Variants in PRKG1 observed in about 807,000 individuals in gnomAD.
The protein encoded by PRKG1 is protein kinase cGMP-dependent 1.
PRKG1 carries 35 observed loss-of-function variants against 88.1 expected under a neutral mutation model. The ratio of observed to expected loss-of-function variants is 0.40; its 90% CI spans 0.30 to 0.53. The LOEUF (loss-of-function observed/expected upper bound fraction) is 0.53. Ranked by LOEUF, PRKG1 falls within the 20% of genes least tolerant of loss-of-function variation. The pLI is 0.59. For missense variants in PRKG1, 540 were observed against 839.8 expected, an observed-to-expected ratio of 0.64 and a Z score of 4.41; for synonymous variants, 303 against 292.5, an observed-to-expected ratio of 1.04 and a Z score of -0.37.
chr10:51,182,334 C>T (rs889919641), intron 2 of PRKG1, among the ~76,000 whole-genome samples: 1 of 152,120 alleles, frequency 6.6e-6, no homozygotes, highest in African/African-American at 2.4e-5. Flanking sequence ...TGGATTATGC[C>T]TGAGAATGGA....
At chr10:51,037,242 G>A (rs925706657) in intron 1 of PRKG1, among the ~76,000 whole-genome samples, 3 of 152,040 alleles carry the variant, frequency 2.0e-5, no homozygotes, top group Non-Finnish European at 4.4e-5. Context: ...GAGTCCAGGA[G>A]TTTGAGACCA....
At chr10:52,151,678 CATTTG>C (rs1484314857) in intron 8 of PRKG1, among the ~76,000 whole-genome samples, 1 of 151,986 alleles carries the variant, frequency 6.6e-6, no homozygotes, top group Non-Finnish European at 1.5e-5. Flanking sequence ...TTGCATGGAC[CATTTG>C]ATTTAAGTAT....
At chr10:51,829,266 T>C (rs10823674) in intron 4 of PRKG1, among the ~76,000 whole-genome samples, 31,889 of 152,144 alleles carry the variant, frequency 0.21, 5,369 homozygotes, top group African/African-American at 0.47. Context: ...ATGCTTTCAT[T>C]TTAAAAGTGA....
chr10:51,921,244 CT>C (rs1228549812), intron 5 of PRKG1, among the ~76,000 whole-genome samples: 1 of 152,022 alleles, frequency 6.6e-6, no homozygotes, highest in African/African-American at 2.4e-5. Flanking sequence ...AATCAATTGA[CT>C]TTTATATATT....
At chr10:51,799,517 C>T (rs534051806) in intron 3 of PRKG1, among the ~76,000 whole-genome samples, 11 of 151,838 alleles carry the variant, frequency 7.2e-5, no homozygotes, top group African/African-American at 2.2e-4. Flanking sequence ...TAGCAATCCC[C>T]GTGGCATACT....
intron 5 of PRKG1, among the ~76,000 whole-genome samples, chr10:51,998,521 C>T (rs151243594): frequency 2.0e-5 from 3 of 152,004 alleles, no homozygotes; most frequent in East Asian, 1.9e-4. Context: ...ATTTTATCTA[C>T]TGTATTTAGT....
intron 3 of PRKG1, among the ~76,000 whole-genome samples, chr10:51,525,550 T>A (rs1216305423): frequency 4.6e-5 from 7 of 151,842 alleles, no homozygotes; most frequent in Non-Finnish European, 1.0e-4. Context: ...TACAAAAAAT[T>A]AGCCGGGTGT....
chr10:51,824,948 G>T (rs1218756243), intron 4 of PRKG1, among the ~76,000 whole-genome samples: 2 of 152,142 alleles, frequency 1.3e-5, no homozygotes, highest in Non-Finnish European at 2.9e-5. Context: ...TCATATCAGT[G>T]TTCAATGTTT....
chr10:51,032,746 C>T (rs1843300283), intron 1 of PRKG1, among the ~76,000 whole-genome samples: 1 of 151,998 alleles, frequency 6.6e-6, no homozygotes, highest in South Asian at 2.1e-4. Context: ...GGGGGGGTGA[C>T]TCTGTCTCAA....
At chr10:52,203,782 T>C (rs989388595) in intron 9 of PRKG1, among the ~76,000 whole-genome samples, 1 of 152,240 alleles carries the variant, frequency 6.6e-6, no homozygotes, top group African/African-American at 2.4e-5. Flanking sequence ...TCTTTGCCTT[T>C]ATTTATCATT....
intron 2 of PRKG1, among the ~76,000 whole-genome samples, chr10:51,467,047 C>A (rs1839924364): frequency 6.6e-6 from 1 of 151,948 alleles, no homozygotes. Context: ...GTTTTACTTG[C>A]AGGTAACAAT....
At chr10:52,191,859 A>G (rs1275810771) in intron 9 of PRKG1, among the ~76,000 whole-genome samples, 1 of 152,096 alleles carries the variant, frequency 6.6e-6, no homozygotes, top group Admixed American at 6.6e-5. Flanking sequence ...TTATTATCCA[A>G]TTTATTTTTT....
At chr10:51,213,896 A>G (rs1838301953) in intron 2 of PRKG1, among the ~76,000 whole-genome samples, 1 of 152,160 alleles carries the variant, frequency 6.6e-6, no homozygotes, top group African/African-American at 2.4e-5. Flanking sequence ...TATTTCTAGC[A>G]TCTTGAAGAT....
At chr10:52,069,849 C>T (rs115319716) in intron 7 of PRKG1, among the ~76,000 whole-genome samples, 102 of 151,900 alleles carry the variant, frequency 6.7e-4, no homozygotes, top group African/African-American at 2.5e-3. Flanking sequence ...GTTTCATTCT[C>T]GGTCAATATA....
At chr10:51,279,019 C>T (rs886208712) in intron 2 of PRKG1, among the ~76,000 whole-genome samples, 1 of 152,074 alleles carries the variant, frequency 6.6e-6, no homozygotes, top group African/African-American at 2.4e-5. Context: ...TTTGCTCTTG[C>T]TTCTCTAGTT....
intron 2 of PRKG1, among the ~76,000 whole-genome samples, chr10:51,204,431 C>A (rs1837994308): frequency 6.7e-6 from 1 of 150,304 alleles, no homozygotes; most frequent in Admixed American, 6.7e-5. Flanking sequence ...ATTTTTTTTC[C>A]CATCCTTCAG....
intron 2 of PRKG1, among the ~76,000 whole-genome samples, chr10:51,381,220 G>A (rs1368366234): frequency 8.5e-6 from 1 of 116,978 alleles, no homozygotes; most frequent in Non-Finnish European, 1.6e-5. Context: ...TCATGCCACT[G>A]CACTCCAGCC....
chr10:51,958,086 CTTTG>C (rs1464555511), intron 5 of PRKG1, among the ~76,000 whole-genome samples: 2 of 151,962 alleles, frequency 1.3e-5, no homozygotes, highest in Admixed American at 1.3e-4. Context: ...ATTTTTTCAA[CTTTG>C]TTTATCTGCA....
intron 3 of PRKG1, among the ~76,000 whole-genome samples, chr10:51,729,016 G>A (rs1347606226): frequency 6.6e-6 from 1 of 152,134 alleles, no homozygotes; most frequent in Non-Finnish European, 1.5e-5. Flanking sequence ...AAATAAAAGG[G>A]AGGGATAAAA....
Sources: gnomAD v4.1 joint callset for allele counts (sites outside exome capture counted in the v4.1 genomes callset) on GRCh38, gnomAD v4.1.1 for gene constraint, MANE v1.5 for transcripts, NCBI Gene and HGNC (gene_info 2026-07-23, HGNC 2026-07-21) for gene names.